The following CARD6 variants were observed in gnomAD, a reference collection of about 807,000 sequenced individuals.
The protein encoded by CARD6 is caspase recruitment domain family member 6.
CARD6 carries 27 observed loss-of-function variants against 23.6 expected under a neutral mutation model. The ratio of observed to expected loss-of-function variants is 1.14; its 90% CI spans 0.84 to 1.58. The LOEUF (loss-of-function observed/expected upper bound fraction) is 1.58, where lower values mean the gene tolerates loss of function less well. CARD6 is among the 40% of genes most tolerant of loss of function. CARD6 has a pLI of 0.00. For missense variants in CARD6, 1,214 were observed against 1,209.9 expected, an observed-to-expected ratio of 1.00 and a Z score of -0.05; for synonymous variants, 397 against 431.8, an observed-to-expected ratio of 0.92 and a Z score of 1.00.
chr5:40,844,448 C>T (rs932332203), intron 2 of CARD6, among the ~76,000 whole-genome samples: 4 of 152,074 alleles, frequency 2.6e-5, no homozygotes, highest in Non-Finnish European at 5.9e-5. Context: ...TCAGGCTGGT[C>T]TCGAACTCCT....
intron 2 of CARD6, 31 bp downstream of exon 2, chr5:40,843,740 C>G: frequency 7.2e-7 from 1 of 1,386,400 alleles, no homozygotes. Flanking sequence ...GTTAGTTAGG[C>G]AACAACTTAA....
chr5:40,845,756 G>C (rs909338695), intron 2 of CARD6, among the ~76,000 whole-genome samples: 4 of 151,686 alleles, frequency 2.6e-5, no homozygotes, highest in Non-Finnish European at 5.9e-5. Flanking sequence ...TTCTGTATCA[G>C]GTACTGACTG....
In CARD6 at chr5:40,853,637, T is replaced by G. The variant is rs1746125429; in HGVS notation, c.2305T>G (p.Leu769Val). 1 of 1,614,246 alleles carries G rather than the reference T, an allele frequency of 6.2e-7. No homozygotes were observed. Among genetic ancestry groups the G allele is most frequent in the Non-Finnish European group, 8.5e-7 (1 of 1,180,038 alleles). Residue 769 changes from leucine to valine, a missense_variant, in exon 3 of 3, where the codon TTG (leucine) becomes GTG (valine). By Grantham distance (32) the Leu-to-Val change is conservative. Coordinates refer to ENST00000254691, the MANE Select transcript of CARD6 (RefSeq NM_032587.4). ...SEQRPKWFHP[L>V]PFQNAGAQGR... ...GCAGAGGCCTAAGTGGTTCCATCCT[T>G]TGCCTTTTCAGAATGCAGGGGCCCA...
At chr5:40,844,622 A>G (rs2112168720) in intron 2 of CARD6, among the ~76,000 whole-genome samples, 1 of 152,318 alleles carries the variant, frequency 6.6e-6, no homozygotes, top group Non-Finnish European at 1.5e-5. Flanking sequence ...CTAAGTTCTG[A>G]GTAGAGGATG....
intron 2 of CARD6, among the ~76,000 whole-genome samples, chr5:40,850,721 CA>C (rs34372703): frequency 0.18 from 8,409 of 46,652 alleles, 36 homozygotes; most frequent in Non-Finnish European, 0.21. Flanking sequence ...ACTCCGTCTC[CA>C]AAAAAAAAAA....
chr5:40,844,994 G>A (rs946267405), intron 2 of CARD6, among the ~76,000 whole-genome samples: 19 of 151,088 alleles, frequency 1.3e-4, no homozygotes, highest in African/African-American at 4.6e-4. Context: ...CAGCTCCCCA[G>A]GTAGCTGGGA....
Position 40,854,072 on chromosome 5 carries a change from C to T in CARD6, c.2740C>T (p.Gln914Ter), listed in dbSNP as rs776000098. 2 of 1,614,182 alleles carry T rather than the reference C, an allele frequency of 1.2e-6. No individual in the cohort carries two copies. The highest frequency in any genetic ancestry group is 1.7e-5 in the Admixed American group (1 of 60,016). ...ATQKLRPASQ[Q>*]GVQMKTQGGA... ...ACAAAAACTAAGACCTGCTTCTCAG[C>T]AAGGAGTCCAGATGAAGACACAAGG... Residue 914 changes from glutamine to a stop codon, truncating the protein, a stop_gained, in exon 3 of 3, where the codon CAA (glutamine) becomes TAA (stop). Coordinates refer to ENST00000254691, the MANE Select transcript of CARD6 (RefSeq NM_032587.4). LOFTEE classifies it low-confidence loss of function (END_TRUNC).
rs1028289457 is a variant in CARD6 at position 40,850,132 on chromosome 5, C to T, written c.842-2042C>T. ...GATAAATTTAAGAAAGAACCAGTAT[C>T]GGCCAGGTGCGGTGGCTAACGCCTG... On this transcript the variant is annotated intron_variant, in intron 2 of 2. Coordinates refer to ENST00000254691, the MANE Select transcript of CARD6 (RefSeq NM_032587.4). Among the ~76,000 whole-genome samples, 92 of 151,612 alleles carry T rather than the reference C, an allele frequency of 6.1e-4. 1 individual carries two copies. The highest frequency in any genetic ancestry group is 5.7e-3 in the Admixed American group (86 of 15,218).
In CARD6 at chr5:40,854,456, T is replaced by A. The variant is rs1431829731; in HGVS notation, c.*10T>A. 1 of 1,593,374 alleles carries A rather than the reference T, an allele frequency of 6.3e-7. No individual in the cohort carries two copies. On this transcript the variant is annotated 3_prime_UTR_variant, in exon 3 of 3. Coordinates refer to ENST00000254691, the MANE Select transcript of CARD6 (RefSeq NM_032587.4). The stretch of plus-strand genomic sequence containing the variant: ...GGGAGGGAAGCATTAAAGAGCTAAC[T>A]CCAGAGATCTATAAAGCATATCCTT...
intron 2 of CARD6, among the ~76,000 whole-genome samples, chr5:40,849,932 A>G (rs1341279288): frequency 1.3e-5 from 2 of 151,898 alleles, no homozygotes; most frequent in African/African-American, 4.8e-5. Context: ...GTGAGCTGAG[A>G]TTGCACCACT....
Position 40,851,498 on chromosome 5 carries a change from T to C in CARD6, c.842-676T>C, listed in dbSNP as rs148616055. On this transcript the variant is annotated intron_variant, in intron 2 of 2. Coordinates refer to ENST00000254691, the MANE Select transcript of CARD6 (RefSeq NM_032587.4). Reference sequence around the variant, plus strand: ...GAATGGTGAAAGGAGACTTCCACTTTATTTATATTGTTTCAGCTTTTTGCA... The same window carrying C: ...GAATGGTGAAAGGAGACTTCCACTTCATTTATATTGTTTCAGCTTTTTGCA... 2.8e-3 allele frequency among the ~76,000 whole-genome samples: 421 copies of C among 152,250 alleles called. 1 individual carries two copies. The highest frequency in any genetic ancestry group is 4.8e-3 in the Admixed American group (73 of 15,288).
rs948917167 is a variant in CARD6 at position 40,843,856 on chromosome 5, G to T, written c.841+147G>T. ...AAATTCCTCGTGCCTCTCTGACCTG[G>T]AATCTCCTCGAGGTAGGTGTTGACT... On this transcript the variant is annotated intron_variant, in intron 2 of 2. Coordinates refer to ENST00000254691, the MANE Select transcript of CARD6 (RefSeq NM_032587.4). 9.4e-6 allele frequency: 5 copies of T among 534,398 alleles called. No individual in the cohort carries two copies. In the African/African-American group the frequency reaches 9.8e-5, roughly 10 times the overall value. The allele number at this position is 534,398 out of a possible 1,614,324, so 33.1% of individuals were successfully genotyped here.
In CARD6 at chr5:40,843,335, G is replaced by C. The variant is rs1186317151; in HGVS notation, c.467G>C (p.Arg156Thr). ...EFFRDKKTSY[R>T]ETALSARKNE... is the part of the protein sequence containing the mutation. ...TTCAGGGACAAGAAAACTAGTTATA[G>C]GGAAACAGCTTTGTCTGCCAGGAAG... The change falls in exon 2 of 3, where the codon AGG (arginine) becomes ACG (threonine). Residue 156 changes from arginine (R) to threonine (T), a missense_variant. By Grantham distance (71) the Arg-to-Thr change is moderately conservative. Coordinates refer to ENST00000254691, the MANE Select transcript of CARD6 (RefSeq NM_032587.4). 3.1e-6 allele frequency: 5 copies of C among 1,614,082 alleles called. No homozygotes were observed. In the South Asian group the frequency reaches 3.3e-5, roughly 11 times the overall value.
chr5:40,854,649 G>T lies in CARD6; in HGVS notation c.*203G>T. On this transcript the variant is annotated 3_prime_UTR_variant, in exon 3 of 3. Transcript: ENST00000254691. ...CTTGTTGCCCAGGCTGGAGTGCAAT[G>T]GCACGATCTCGGCTCACCGCAACCT... 1.8e-6 allele frequency: 1 copy of T among 559,654 alleles called. No individual in the cohort carries two copies. Among genetic ancestry groups the T allele is most frequent in the Non-Finnish European group, 3.1e-6 (1 of 318,152 alleles). 34.7% of individuals were successfully genotyped at this position (559,654 alleles called of 1,614,324 possible).
At chr5:40,846,441 C>T (rs923360675) in intron 2 of CARD6, among the ~76,000 whole-genome samples, 4 of 152,074 alleles carry the variant, frequency 2.6e-5, no homozygotes, top group Non-Finnish European at 4.4e-5. Flanking sequence ...CCATCTATGC[C>T]ATCTGTATCT....
rs986034820 is a variant in CARD6 at position 40,841,538 on chromosome 5, TCTC to T, written c.159_161del (p.Leu54del). 2 of 1,613,882 alleles carry T rather than the reference TCTC, an allele frequency of 1.2e-6. No homozygotes were observed. The highest frequency in any genetic ancestry group is 1.7e-6 in the Non-Finnish European group (2 of 1,179,984). ...ATGAGACTCTGGAGAATGTTACAGA[TCTC>T]CTGAAGAAAAGTCGGAAGCTGTTAA... On this transcript the variant is annotated inframe_deletion, in exon 1 of 3. Coordinates refer to ENST00000254691, the MANE Select transcript of CARD6 (RefSeq NM_032587.4).
In CARD6 at chr5:40,854,810, G is replaced by C. The variant is rs1051630052; in HGVS notation, c.*364G>C. Reference sequence around the variant, plus strand: ...TCTCCATGTTGGTCAGGCTGGTCTTGAACTCCCGACCTCAGGTGATCCGCC... The same window carrying C: ...TCTCCATGTTGGTCAGGCTGGTCTTCAACTCCCGACCTCAGGTGATCCGCC... On this transcript the variant is annotated 3_prime_UTR_variant, in exon 3 of 3. Transcript: ENST00000254691. 1.9e-5 allele frequency: 4 copies of C among 213,128 alleles called. No individual in the cohort carries two copies. The highest frequency in any genetic ancestry group is 9.2e-5 in the African/African-American group (4 of 43,524). 13.2% of individuals were successfully genotyped at this position (213,128 alleles called of 1,614,324 possible).
At chr5:40,845,504 C>G (rs1331920841) in intron 2 of CARD6, among the ~76,000 whole-genome samples, 2 of 152,056 alleles carry the variant, frequency 1.3e-5, no homozygotes, top group Non-Finnish European at 2.9e-5. Flanking sequence ...TGCCCCACCC[C>G]CAAATAACTT....
Position 40,853,812 on chromosome 5 carries a change from A to C in CARD6, c.2480A>C (p.Gln827Pro), listed in dbSNP as rs377707021. The C allele has an allele frequency of 6.2e-7, 1 of 1,614,206 alleles. No individual in the cohort carries two copies. The highest frequency in any genetic ancestry group is 1.3e-5 in the African/African-American group (1 of 75,056). Residue 827 changes from glutamine (Q) to proline (P), a missense_variant, in exon 3 of 3, where the codon CAG (glutamine) becomes CCG (proline). Gln to Pro is a moderately conservative substitution (Grantham distance 76). Coordinates refer to ENST00000254691, the MANE Select transcript of CARD6 (RefSeq NM_032587.4). ...CCAAGACCCATTTGTCAGCATGTAC[A>C]GGCCTGCCCTGAGAGACCACAAATG... ...RLPRPICQHV[Q>P]ACPERPQMMG...
Sources: gnomAD v4.1 joint callset for allele counts (sites outside exome capture counted in the v4.1 genomes callset) on GRCh38, gnomAD v4.1.1 for gene constraint, MANE v1.5 for transcripts, NCBI Gene and HGNC (gene_info 2026-07-23, HGNC 2026-07-21) for gene names.